LSAMP: variants seen among roughly 807,000 people sequenced by gnomAD.
LSAMP encodes limbic system-associated membrane protein.
Under a neutral mutation model 38.6 loss-of-function variants are expected in LSAMP, and 7 were observed. That is an observed-to-expected ratio of 0.18 (90% confidence interval 0.10 to 0.34). LSAMP has a LOEUF of 0.34. LSAMP is among the 10% of genes least tolerant of loss of function. LSAMP has a pLI of 1.00. For synonymous variants in LSAMP, 154 were observed against 166.8 expected (o/e 0.92, Z 0.59); for missense variants, 313 against 420.0 (o/e 0.75, Z 2.23).
At chr3:116,094,341 G>A (rs1247612890) in intron 1 of LSAMP, among the ~76,000 whole-genome samples, 1 of 152,062 alleles carries the variant, frequency 6.6e-6, no homozygotes, top group Admixed American at 6.5e-5. Context: ...CTGACCTCTG[G>A]TTGGACCCCT....
intron 1 of LSAMP, among the ~76,000 whole-genome samples, chr3:116,434,153 G>A (rs1383597266): frequency 6.6e-6 from 1 of 152,090 alleles, no homozygotes; most frequent in Non-Finnish European, 1.5e-5. Context: ...CTCCAGTGGT[G>A]GCTGACTTCA....
chr3:116,297,544 T>C (rs2047352903), intron 1 of LSAMP, among the ~76,000 whole-genome samples: 1 of 152,226 alleles, frequency 6.6e-6, no homozygotes, highest in South Asian at 2.1e-4. Flanking sequence ...TATTTTCTAT[T>C]GACTTGACAT....
At chr3:116,357,148 C>G (rs1309979737) in intron 1 of LSAMP, among the ~76,000 whole-genome samples, 1 of 152,084 alleles carries the variant, frequency 6.6e-6, no homozygotes, top group Non-Finnish European at 1.5e-5. Flanking sequence ...CCTTATTTTA[C>G]CTTATAGCAA....
At chr3:116,019,673 C>A (rs760299462) in intron 2 of LSAMP, 33 bp from the exon 3 acceptor site, 82 of 1,602,886 alleles carry the variant, frequency 5.1e-5, no homozygotes, top group Middle Eastern at 1.7e-4. Flanking sequence ...AATATGTAAC[C>A]ATGTCAGTAA....
chr3:116,126,571 C>A (rs745654675), intron 1 of LSAMP, among the ~76,000 whole-genome samples: 3 of 152,092 alleles, frequency 2.0e-5, no homozygotes, highest in Non-Finnish European at 4.4e-5. Flanking sequence ...GGTTAAGAAT[C>A]CAGCTAGGGG....
At chr3:115,810,700 C>T (rs1577027056) in intron 6 of LSAMP, among the ~76,000 whole-genome samples, 1 of 152,306 alleles carries the variant, frequency 6.6e-6, no homozygotes. Context: ...TCTGATGGTA[C>T]AGCAGGCTCC....
At chr3:116,063,794 A>G (rs1401531535) in intron 2 of LSAMP, among the ~76,000 whole-genome samples, 1 of 152,216 alleles carries the variant, frequency 6.6e-6, no homozygotes, top group African/African-American at 2.4e-5. Context: ...ACTGTAAAGT[A>G]GGTATCTATT....
At chr3:116,067,944 A>G (rs1320028219) in intron 2 of LSAMP, among the ~76,000 whole-genome samples, 1 of 152,204 alleles carries the variant, frequency 6.6e-6, no homozygotes, top group Non-Finnish European at 1.5e-5. Flanking sequence ...ATTGAAAACT[A>G]TTGACCCTCA....
chr3:116,300,127 C>G (rs370872924), intron 1 of LSAMP, among the ~76,000 whole-genome samples: 5 of 152,228 alleles, frequency 3.3e-5, no homozygotes, highest in South Asian at 4.1e-4. Flanking sequence ...GCTCAGTAAA[C>G]ATTACTGAGC....
chr3:116,110,469 CTG>C (rs1225560952), intron 1 of LSAMP, among the ~76,000 whole-genome samples: 1 of 152,198 alleles, frequency 6.6e-6, no homozygotes, highest in Non-Finnish European at 1.5e-5. Context: ...CCTTCCCAGT[CTG>C]TGACCGGCGC....
intron 1 of LSAMP, among the ~76,000 whole-genome samples, chr3:116,392,397 G>C (rs1576187224): frequency 1.3e-5 from 2 of 152,318 alleles, no homozygotes; most frequent in African/African-American, 4.8e-5. Flanking sequence ...TAAAGTCAGG[G>C]GCCAAGCCCA....
At chr3:116,290,730 AC>A (rs1457713179) in intron 1 of LSAMP, among the ~76,000 whole-genome samples, 1 of 101,160 alleles carries the variant, frequency 9.9e-6, no homozygotes, top group Non-Finnish European at 2.0e-5. Flanking sequence ...ACTCTGTCTC[AC>A]AAAAATAATA....
At chr3:116,226,975 T>A (rs138195672) in intron 1 of LSAMP, among the ~76,000 whole-genome samples, 75 of 152,306 alleles carry the variant, frequency 4.9e-4, no homozygotes, top group African/African-American at 1.7e-3. Flanking sequence ...AACATTTTAT[T>A]CTGATTTTGT....
At chr3:116,432,613 T>G (rs2049296198) in intron 1 of LSAMP, among the ~76,000 whole-genome samples, 1 of 152,098 alleles carries the variant, frequency 6.6e-6, no homozygotes, top group Non-Finnish European at 1.5e-5. Context: ...CTATAACTTC[T>G]GGCATTTCTT....
In LSAMP at chr3:115,858,135, ATC is replaced by A. The variant is rs67994060; in HGVS notation, c.515-5520_515-5519del. Reference sequence around the variant, plus strand: ...TCCCTCTCCCTCCTTCCGTCCTCCCATCTCTCTCTCTCTCTCTCTCTCTCTCT... The same window carrying A: ...TCCCTCTCCCTCCTTCCGTCCTCCCATCTCTCTCTCTCTCTCTCTCTCTCT... On this transcript the variant is annotated intron_variant, in intron 3 of 6. Transcript: ENST00000490035. Among the ~76,000 whole-genome samples the A allele has an allele frequency of 1.7e-3, 242 of 143,836 alleles. 1 individual carries two copies. The highest frequency in any genetic ancestry group is 3.5e-3 in the Middle Eastern group (1 of 288). The allele number at this position is 143,836 out of a possible 152,430, so 94.4% of individuals were successfully genotyped here.
At chr3:116,300,575 C>T (rs2047392715) in intron 1 of LSAMP, among the ~76,000 whole-genome samples, 1 of 152,164 alleles carries the variant, frequency 6.6e-6, no homozygotes, top group Non-Finnish European at 1.5e-5. Context: ...AGCATTAGAT[C>T]CTCATAGGAG....
chr3:116,418,574 C>T (rs2049082057), intron 1 of LSAMP, among the ~76,000 whole-genome samples: 1 of 152,104 alleles, frequency 6.6e-6, no homozygotes, highest in Non-Finnish European at 1.5e-5. Context: ...CTTCAGGAAG[C>T]TTCTGGATGA....
At chr3:116,281,950 A>C (rs963127809) in intron 1 of LSAMP, among the ~76,000 whole-genome samples, 1 of 152,222 alleles carries the variant, frequency 6.6e-6, no homozygotes, top group Non-Finnish European at 1.5e-5. Context: ...TAACCTTCTG[A>C]CACTGTCAAT....
chr3:116,069,142 C>T (rs150823432), intron 2 of LSAMP, among the ~76,000 whole-genome samples: 7 of 152,254 alleles, frequency 4.6e-5, no homozygotes, highest in South Asian at 2.1e-4. Flanking sequence ...ACACAAAACA[C>T]GGACCCTAAC....
Sources: allele counts gnomAD v4.1 joint callset (sites outside exome capture counted in the v4.1 genomes callset), GRCh38; gene constraint gnomAD v4.1.1; transcripts MANE v1.5; gene names NCBI Gene and HGNC (gene_info 2026-07-23, HGNC 2026-07-21).